Variants in BNC2 observed in about 807,000 individuals in gnomAD.
BNC2 encodes basonuclin zinc finger protein 2.
In BNC2, 20 loss-of-function variants were observed where a neutral mutation model predicts 76.3. The ratio of observed to expected loss-of-function variants is 0.26; its 90% CI spans 0.18 to 0.38. The LOEUF (loss-of-function observed/expected upper bound fraction) is 0.38. BNC2 is among the 10% of genes least tolerant of loss of function. BNC2 has a pLI of 1.00. For synonymous variants in BNC2, 582 were observed against 514.8 expected (o/e 1.13, Z -1.77); for missense variants, 1,382 against 1,399.8 (o/e 0.99, Z 0.20).
chr9:16,774,266 AG>A (rs1825905484), intron 1 of BNC2, among the ~76,000 whole-genome samples: 4 of 152,292 alleles, frequency 2.6e-5, no homozygotes, highest in Admixed American at 1.3e-4. Flanking sequence ...TACAGTCGTG[AG>A]CCACCGTGTC....
intron 1 of BNC2, among the ~76,000 whole-genome samples, chr9:16,865,344 T>C (rs1163027997): frequency 1.3e-5 from 2 of 152,184 alleles, no homozygotes; most frequent in African/African-American, 2.4e-5. Context: ...ACTCATCTTA[T>C]TAGAGTTTTA....
intron 3 of BNC2, among the ~76,000 whole-genome samples, chr9:16,644,987 G>A (rs1821584542): frequency 6.6e-6 from 1 of 152,164 alleles, no homozygotes; most frequent in South Asian, 2.1e-4. Flanking sequence ...AAAGTCGTCA[G>A]CATTGTAAAT....
intron 1 of BNC2, among the ~76,000 whole-genome samples, chr9:16,854,857 A>G (rs1819214619): frequency 1.3e-5 from 2 of 152,038 alleles, no homozygotes; most frequent in African/African-American, 4.8e-5. Flanking sequence ...TACTCTTACA[A>G]GCACAGCCCA....
chr9:16,471,637 C>T (rs551632937), intron 5 of BNC2, among the ~76,000 whole-genome samples: 4 of 152,286 alleles, frequency 2.6e-5, no homozygotes, highest in East Asian at 1.9e-4. Context: ...GGACTTTAGC[C>T]TTGTCTCAGA....
At chr9:16,844,506 T>C (rs376147712) in intron 1 of BNC2, among the ~76,000 whole-genome samples, 8 of 94,844 alleles carry the variant, frequency 8.4e-5, no homozygotes, top group African/African-American at 1.4e-4. Context: ...TTTTTTTTTT[T>C]TTTTTTTTTG....
chr9:16,535,627 C>T (rs1818108113), intron 5 of BNC2, among the ~76,000 whole-genome samples: 1 of 152,076 alleles, frequency 6.6e-6, no homozygotes, highest in East Asian at 1.9e-4. Flanking sequence ...GCTCAGGACT[C>T]CTTAGTTCCA....
intron 3 of BNC2, among the ~76,000 whole-genome samples, chr9:16,646,927 A>G (rs1821645462): frequency 1.3e-5 from 2 of 152,196 alleles, no homozygotes; most frequent in South Asian, 4.1e-4. Flanking sequence ...GGTTCCCCAT[A>G]TGAAGTATCA....
chr9:16,460,023 C>T (rs540503460), intron 5 of BNC2, among the ~76,000 whole-genome samples: 31 of 151,948 alleles, frequency 2.0e-4, no homozygotes, highest in Admixed American at 1.6e-3. Flanking sequence ...TTTTGTTTGC[C>T]CTAAAGACTA....
Position 16,747,100 on chromosome 9 carries a change from G to GA in BNC2, c.4-8616dup, listed in dbSNP as rs1825032696. 2.0e-5 allele frequency among the ~76,000 whole-genome samples: 3 copies of GA among 152,048 alleles called. No individual in the cohort carries two copies. The South Asian group carries it at 6.2e-4, about 32-fold the overall frequency. On this transcript the variant is annotated intron_variant, in intron 1 of 6. Transcript: ENST00000380672. ...CGCAAAGAAATACAAAGTATACTAC[G>GA]AAAGTACAGATTATTAAAATTTTAC... is the stretch of plus-strand genomic sequence containing the variant.
chr9:16,845,730 T>A (rs1466327259), intron 1 of BNC2, among the ~76,000 whole-genome samples: 1 of 151,074 alleles, frequency 6.6e-6, no homozygotes, highest in African/African-American at 2.4e-5. Flanking sequence ...CAAAATAAAA[T>A]AAAAATAAAA....
chr9:16,415,462 G>A lies in BNC2; in HGVS notation c.*3527C>T, dbSNP rs1007305268. On this transcript the variant is annotated 3_prime_UTR_variant, in exon 7 of 7. Transcript: ENST00000380672. ...CCAATCACATGGGGAAAAGCTTGTC[G>A]GATGAACATCTACATCACTATTAAT... 3.9e-5 allele frequency: 6 copies of A among 152,718 alleles called. No homozygotes were observed. Among genetic ancestry groups the A allele is most frequent in the South Asian group, 2.1e-4 (1 of 4,830 alleles). 9.5% of individuals were successfully genotyped at this position (152,718 alleles called of 1,614,324 possible).
At chr9:16,548,541 G>C (rs1818560031) in intron 5 of BNC2, among the ~76,000 whole-genome samples, 1 of 152,054 alleles carries the variant, frequency 6.6e-6, no homozygotes, top group Non-Finnish European at 1.5e-5. Context: ...AAGTAGCTGG[G>C]TTAACAGGCA....
chr9:16,782,915 A>AG (rs1826193989), intron 1 of BNC2, among the ~76,000 whole-genome samples: 2 of 152,164 alleles, frequency 1.3e-5, no homozygotes, highest in African/African-American at 4.8e-5. Context: ...CTTAGAAGCT[A>AG]GGCATGCCTA....
At chr9:16,799,677 A>C (rs1817736329) in intron 1 of BNC2, among the ~76,000 whole-genome samples, 2 of 152,194 alleles carry the variant, frequency 1.3e-5, no homozygotes, top group South Asian at 4.1e-4. Flanking sequence ...CCCCAGTAAA[A>C]TCTTGATGCT....
At chr9:16,632,334 C>T (rs553001113) in intron 3 of BNC2, among the ~76,000 whole-genome samples, 12 of 152,212 alleles carry the variant, frequency 7.9e-5, no homozygotes, top group African/African-American at 2.9e-4. Flanking sequence ...GGATCCCCCA[C>T]ATTCGGTAAT....
chr9:16,532,198 T>C (rs1363996684), intron 5 of BNC2, among the ~76,000 whole-genome samples: 1 of 151,054 alleles, frequency 6.6e-6, no homozygotes, highest in Non-Finnish European at 1.5e-5. Context: ...AAGTGGGAGA[T>C]ATACAACAGC....
intron 3 of BNC2, among the ~76,000 whole-genome samples, chr9:16,670,836 A>G (rs533360065): frequency 6.6e-6 from 1 of 152,330 alleles, no homozygotes; most frequent in Admixed American, 6.5e-5. Flanking sequence ...ACCAAAACCA[A>G]AAACAATGTA....
rs1283148939 is a variant in BNC2 at position 16,707,314 on chromosome 9, A to G, written c.330+20483T>C. 2.6e-5 allele frequency among the ~76,000 whole-genome samples: 4 copies of G among 152,186 alleles called. No individual in the cohort carries two copies. In the East Asian group the frequency reaches 5.8e-4, roughly 22 times the overall value. On this transcript the variant is annotated intron_variant, in intron 3 of 6. Transcript: ENST00000380672. The stretch of plus-strand genomic sequence containing the variant: ...TTGATGTTACTAGTGTGAAGTTACT[A>G]GAGTAAAACCCAGTAAAATTGAAGG...
chr9:16,504,323 GAATACATGTATT>G (rs1030329391), intron 5 of BNC2, among the ~76,000 whole-genome samples: 3 of 121,348 alleles, frequency 2.5e-5, no homozygotes, highest in Admixed American at 1.7e-4. Context: ...ATTCCAGAAT[GAATACATGTATT>G]AATACATGTA....
Sources: allele counts gnomAD v4.1 joint callset (sites outside exome capture counted in the v4.1 genomes callset), GRCh38; gene constraint gnomAD v4.1.1; transcripts MANE v1.5; gene names NCBI Gene and HGNC (gene_info 2026-07-23, HGNC 2026-07-21).